SETD1B: variants seen among roughly 807,000 people sequenced by gnomAD.
SETD1B encodes SET domain containing 1B, histone lysine methyltransferase, also known as histone-lysine N-methyltransferase SETD1B.
A neutral mutation model predicts 148.0 loss-of-function variants in SETD1B; 7 were observed. That is an observed-to-expected ratio of 0.05 (90% CI 0.03 to 0.09). The LOEUF is 0.09. SETD1B is among the 10% of genes least tolerant of loss of function. The pLI is 1.00. For synonymous variants in SETD1B, 1,361 were observed against 1,186.5 expected (o/e 1.15, Z -3.02); for missense variants, 2,155 against 2,729.9 (o/e 0.79, Z 4.69).
intron 13 of SETD1B, among the ~76,000 whole-genome samples, chr12:121,826,886 C>T (rs1876867660): frequency 1.3e-5 from 2 of 151,718 alleles, no homozygotes; most frequent in Middle Eastern, 3.2e-3. Flanking sequence ...GACACCAGGC[C>T]TGAGATGGGG....
At position 121,823,328 on chromosome 12, in the gene SETD1B, A is replaced by T; in HGVS notation, c.4749A>T (p.Pro1583=). ...DFRNAGIPAP[P]PPLPPQPPPP... Reference sequence around the variant, plus strand: ...GGAACGCGGGGATCCCAGCCCCTCCACCACCCCTTCCCCCCCAGCCACCCC... The same window carrying T: ...GGAACGCGGGGATCCCAGCCCCTCCTCCACCCCTTCCCCCCCAGCCACCCC... Residue 1583 remains proline, a synonymous_variant, in exon 12 of 17, where the codon CCA becomes CCT. Coordinates refer to ENST00000604567, the MANE Select transcript of SETD1B (RefSeq NM_001353345.2). 1.3e-6 allele frequency: 1 copy of T among 778,870 alleles called. No individual in the cohort carries two copies. The allele number at this position is 778,870 out of a possible 1,614,324, so 48.2% of individuals were successfully genotyped here.
At position 121,819,710 on chromosome 12, in the gene SETD1B, C is replaced by T. The variant is rs1320392247; in HGVS notation, c.3725C>T (p.Ala1242Val). 4 of 1,550,984 alleles carry T rather than the reference C, an allele frequency of 2.6e-6. No individual in the cohort carries two copies. The African/African-American group carries it at 5.5e-5, about 21-fold the overall frequency. ...GTGGACATCGAGACTGAGGCTGTGG[C>T]CCCTGAGGAGCGGCCCTCCATGCTG... Reference protein sequence around the residue: ...EEVDIETEAVAPEERPSMLDE... With the variant: ...EEVDIETEAVVPEERPSMLDE... The change falls in exon 11 of 17, where the codon GCC (alanine) becomes GTC (valine). Residue 1242 changes from alanine (A) to valine (V), a missense_variant. This residue lies in a region of SETD1B where 862 missense variants were observed against 873.8 expected (regional missense o/e 0.99). Coordinates refer to ENST00000604567, the MANE Select transcript of SETD1B (RefSeq NM_001353345.2).
At chr12:121,825,507 A>ATTGGGGG in intron 13 of SETD1B, 141 bp downstream of exon 13, 1 of 343,378 alleles carries the variant, frequency 2.9e-6, no homozygotes, top group East Asian at 7.6e-5. Flanking sequence ...GTGGAAGGGG[A>ATTGGGGG]GAGGCGGGTG....
chr12:121,809,557 A>C, intron 5 of SETD1B, 46 bp from the exon 6 acceptor site: 1 of 1,495,862 alleles, frequency 6.7e-7, no homozygotes, highest in South Asian at 1.3e-5. Context: ...GCCCTGTTCC[A>C]TTGCATGTTT....
chr12:121,793,298 C>T, the SETD1B span: 3 of 1,487,348 alleles, frequency 2.0e-6, no homozygotes, highest in Non-Finnish European at 1.8e-6. Context: ...AAAGTTCCAG[C>T]TGAATCCACT....
rs1202208522 is a variant in SETD1B, at chr12:121,827,845, T to C, written c.5580T>C (p.Asn1860=). The C allele has an allele frequency of 1.3e-6, 2 of 1,559,114 alleles. No homozygotes were observed. The highest frequency in any genetic ancestry group is 1.7e-6 in the Non-Finnish European group (2 of 1,150,718). Residue 1860 remains asparagine, a synonymous_variant, in exon 15 of 17, where the codon AAT becomes AAC. Coordinates refer to ENST00000604567, the MANE Select transcript of SETD1B (RefSeq NM_001353345.2). ...DEMVIEYVGQ[N]IRQVIADMRE... ...TGGTCATCGAGTACGTGGGCCAGAATATCCGTCAGGTAGGCACCGCCCGGC... is the reference window on the plus strand; with the variant it reads ...TGGTCATCGAGTACGTGGGCCAGAACATCCGTCAGGTAGGCACCGCCCGGC...
the SETD1B span, chr12:121,797,229 CGGGCGGAGA>C: frequency 2.8e-6 from 1 of 357,854 alleles, no homozygotes; most frequent in South Asian, 2.1e-5. Flanking sequence ...GCTAGGGCTC[CGGGCGGAGA>C]GGCCGGAAGA....
Position 121,823,664 on chromosome 12 carries a change from C to T in SETD1B, c.5085C>T (p.Arg1695=). The change falls in exon 12 of 17, where the codon CGC becomes CGT. Residue 1695 remains arginine (R), a synonymous_variant. Transcript: ENST00000604567. Reference sequence around the variant, plus strand: ...GTGGCATCGATGAGGAGGACATCCGCTTCCTGTGTGTCACCTACGAGCGAC... The same window carrying T: ...GTGGCATCGATGAGGAGGACATCCGTTTCCTGTGTGTCACCTACGAGCGAC... ...WNGGIDEEDI[R]FLCVTYERLL... 1 of 1,551,614 alleles carries T rather than the reference C, an allele frequency of 6.4e-7. No individual in the cohort carries two copies. Among genetic ancestry groups the T allele is most frequent in the Non-Finnish European group, 8.7e-7 (1 of 1,146,990 alleles).
chr12:121,820,042 C>G (rs1174512454), intron 11 of SETD1B, 147 bp downstream of exon 11: 2 of 705,406 alleles, frequency 2.8e-6, no homozygotes, highest in East Asian at 5.4e-5. Flanking sequence ...TTGTGCCTCC[C>G]TCGAGCGAGA....
rs752846825 is a variant in SETD1B, at chr12:121,823,439, G to A, written c.4860G>A (p.Pro1620=). The A allele has an allele frequency of 1.9e-5, 29 of 1,547,568 alleles. No homozygotes were observed. Among genetic ancestry groups the A allele is most frequent in the African/African-American group, 5.5e-5 (4 of 72,302 alleles). ...DNQWPSEAIP[P]GPRGRDEVTE... The stretch of plus-strand genomic sequence containing the variant: ...AGTGGCCCTCCGAGGCCATTCCTCC[G>A]GGCCCCCGTGGGCGCGATGAGGTCA... Residue 1620 remains proline (P), a synonymous_variant, in exon 12 of 17, where the codon CCG becomes CCA. Coordinates refer to ENST00000604567, the MANE Select transcript of SETD1B (RefSeq NM_001353345.2).
Position 121,831,001 on chromosome 12 carries a change from C to T in SETD1B, c.*762C>T, listed in dbSNP as rs1045323316. 6.6e-6 allele frequency: 1 copy of T among 152,572 alleles called. No individual in the cohort carries two copies. The highest frequency in any genetic ancestry group is 2.1e-4 in the South Asian group (1 of 4,836). 9.5% of individuals were successfully genotyped at this position (152,572 alleles called of 1,614,324 possible). A position where few individuals can be genotyped will look rare whatever the true frequency, so the allele number is the denominator to read the frequency against. ...TGGGCTTTCCCTGCCACCTCACACC[C>T]CAGCACCCCCTAAACCTTGGGTTCA... On this transcript the variant is annotated 3_prime_UTR_variant, in exon 17 of 17. Transcript: ENST00000604567.
Position 121,823,331 on chromosome 12 carries a change from A to ACC in SETD1B, c.4755_4756dup (p.Leu1586ProfsTer15). 1.9e-6 allele frequency: 1 copy of ACC among 530,452 alleles called. No individual in the cohort carries two copies. The highest frequency in any genetic ancestry group is 2.7e-6 in the Non-Finnish European group (1 of 369,102). 32.9% of individuals were successfully genotyped at this position (530,452 alleles called of 1,614,324 possible). A position where few individuals can be genotyped will look rare whatever the true frequency, so the allele number is the denominator to read the frequency against. ...ACGCGGGGATCCCAGCCCCTCCACC[A>ACC]CCCCTTCCCCCCCAGCCACCCCCAC... On this transcript the variant is annotated frameshift_variant, in exon 12 of 17. Transcript: ENST00000604567. LOFTEE classifies it high-confidence loss of function.
At chr12:121,796,978 G>A in the SETD1B span, among the ~76,000 whole-genome samples, 5 of 151,944 alleles carry the variant, frequency 3.3e-5, no homozygotes, top group African/African-American at 4.8e-5. Context: ...CGGAGGTTGC[G>A]GTGAGCCCAG....
In SETD1B at chr12:121,814,272, G is replaced by C; in HGVS notation, c.2057G>C (p.Gly686Ala). 1 of 1,363,620 alleles carries C rather than the reference G, an allele frequency of 7.3e-7. No individual in the cohort carries two copies. Among genetic ancestry groups the C allele is most frequent in the Non-Finnish European group, 9.6e-7 (1 of 1,036,766 alleles). The allele number at this position is 1,363,620 out of a possible 1,614,324, so 84.5% of individuals were successfully genotyped here. A position where few individuals can be genotyped will look rare whatever the true frequency, so the allele number is the denominator to read the frequency against. ...APTLPLPPPP[G>A]FPPLPPPPPP... ...ACCCTGCCGCTGCCCCCGCCACCTG[G>C]CTTCCCCCCGCTGCCCCCCCCACCA... Residue 686 changes from glycine (G) to alanine (A), a missense_variant, in exon 7 of 17, where the codon GGC becomes GCC. Around this residue, in one of 11 missense-constraint regions of SETD1B, gnomAD observed 295 missense variants for 303.8 expected, o/e 0.97. Coordinates refer to ENST00000604567, the MANE Select transcript of SETD1B (RefSeq NM_001353345.2).
rs757060513 is a variant in SETD1B at position 121,823,454 on chromosome 12, C to T, written c.4875C>T (p.Arg1625=). The T allele has an allele frequency of 5.4e-5, 84 of 1,549,894 alleles. No individual in the cohort carries two copies. The highest frequency in any genetic ancestry group is 5.0e-4 in the South Asian group (42 of 84,050). The change falls in exon 12 of 17, where the codon CGC becomes CGT. Residue 1625 remains arginine, a synonymous_variant. Coordinates refer to ENST00000604567, the MANE Select transcript of SETD1B (RefSeq NM_001353345.2). ...SEAIPPGPRG[R]DEVTEEYMEL... is the part of the protein sequence containing the mutation. ...CCATTCCTCCGGGCCCCCGTGGGCG[C>T]GATGAGGTCACTGAGGAATACATGG... is the stretch of plus-strand genomic sequence containing the variant.
In SETD1B at chr12:121,804,613, C is replaced by A; in HGVS notation, c.-14-111C>A. On this transcript the variant is annotated intron_variant, in intron 1 of 16. Transcript: ENST00000604567. This position sits in a 1 kb window ranked among gnomAD's most constrained non-coding sequence, Gnocchi z 4.6. The stretch of plus-strand genomic sequence containing the variant: ...GCGAGACAGCTCCTTTCGGGGCGCG[C>A]TGGCAAGGTGGGAGGGGGTGGGGGC... 3.4e-6 allele frequency: 3 copies of A among 888,002 alleles called. No individual in the cohort carries two copies. Among genetic ancestry groups the A allele is most frequent in the South Asian group, 1.7e-5 (1 of 58,086 alleles). 55.0% of individuals were successfully genotyped at this position (888,002 alleles called of 1,614,324 possible).
rs1259929014 is a variant in SETD1B, at chr12:121,825,370, C to T, written c.5337+4C>T. The T allele has an allele frequency of 6.5e-7, 1 of 1,548,226 alleles. No individual in the cohort carries two copies. Among genetic ancestry groups the T allele is most frequent in the South Asian group, 1.2e-5 (1 of 84,054 alleles). ...TGAGCCCCCCGCAGACACCCAGGTA[C>T]TGCCAGGGCTCCTGGACACATCAGA... On this transcript the variant is annotated splice_donor_region_variant and intron_variant, in intron 13 of 16. Transcript: ENST00000604567.
chr12:121,828,182 A>G, intron 16 of SETD1B, 112 bp downstream of exon 16: 1 of 1,419,444 alleles, frequency 7.0e-7, no homozygotes, highest in Non-Finnish European at 9.5e-7. Flanking sequence ...CTCCTTCCCA[A>G]GCTCAGGTTG....
Position 121,825,332 on chromosome 12 carries a change from G to T in SETD1B, c.5303G>T (p.Arg1768Leu). The T allele has an allele frequency of 2.6e-6, 4 of 1,551,326 alleles. No individual in the cohort carries two copies. The highest frequency in any genetic ancestry group is 3.5e-6 in the Non-Finnish European group (4 of 1,147,060). The change falls in exon 13 of 17, where the codon CGT becomes CTT. Residue 1768 changes from arginine to leucine, a missense_variant. By Grantham distance (102) the Arg-to-Leu change is moderately radical (BLOSUM62 -2). Transcript: ENST00000604567. Reference sequence around the variant, plus strand: ...AAGCTCAGATACCTCAACAGCAGCCGTGCCAGCACCGATGAGCCCCCCGCA... The same window carrying T: ...AAGCTCAGATACCTCAACAGCAGCCTTGCCAGCACCGATGAGCCCCCCGCA... Reference protein sequence around the residue: ...KDKLRYLNSSRASTDEPPADT... With the variant: ...KDKLRYLNSSLASTDEPPADT...
Sources: gnomAD v4.1 joint callset for allele counts (sites outside exome capture counted in the v4.1 genomes callset) on GRCh38, gnomAD v4.1.1 for gene constraint, gnomAD v4.1.1 regional missense constraint, Gnocchi (gnomAD v3.1) non-coding constraint, MANE v1.5 for transcripts, NCBI Gene and HGNC (gene_info 2026-07-23, HGNC 2026-07-21) for gene names.